The following CENPP variants were observed in gnomAD, a reference collection of about 807,000 sequenced individuals.
CENPP encodes centromere protein P.
CENPP carries 24 observed loss-of-function variants against 35.6 expected under a neutral mutation model. The ratio of observed to expected loss-of-function variants is 0.67; its 90% confidence interval spans 0.49 to 0.95. The LOEUF (loss-of-function observed/expected upper bound fraction) is 0.95, where lower values mean the gene tolerates loss of function less well. CENPP is among the 40% of genes least tolerant of loss of function. The pLI, the probability that CENPP is intolerant of heterozygous loss-of-function variation, is 0.00. For missense variants in CENPP, 332 were observed against 345.3 expected, an observed-to-expected ratio of 0.96 and a Z score of 0.31; for synonymous variants, 120 against 125.5, an observed-to-expected ratio of 0.96 and a Z score of 0.29.
rs892508821 is a variant in CENPP, at chr9:92,476,023, T to G, written c.564+96164T>G. ...AAAATTTCAAAAATTAAAAACATTA[T>G]GAAATTATTCAAAATAGATGCATCC... On this transcript the variant is annotated intron_variant, in intron 5 of 7. Transcript: ENST00000375587. The surrounding 1 kb of genome is among the most constrained non-coding windows in gnomAD (Gnocchi z 4.1). Among the ~76,000 whole-genome samples, 3 of 152,240 alleles carry G rather than the reference T, an allele frequency of 2.0e-5. No individual in the cohort carries two copies. The highest frequency in any genetic ancestry group is 4.4e-5 in the Non-Finnish European group (3 of 68,046).
intron 5 of CENPP, among the ~76,000 whole-genome samples, chr9:92,562,096 C>T (rs553583623): frequency 1.3e-3 from 200 of 152,142 alleles, no homozygotes; most frequent in African/African-American, 4.4e-3. Flanking sequence ...AACAGATCAC[C>T]GTGAAGGAGT....
At chr9:92,508,976 A>G (rs1248909341) in intron 5 of CENPP, among the ~76,000 whole-genome samples, 1 of 152,064 alleles carries the variant, frequency 6.6e-6, no homozygotes, top group Non-Finnish European at 1.5e-5. Flanking sequence ...CCTTGTCTCA[A>G]AAAAGTACAC....
intron 5 of CENPP, chr9:92,403,158 A>G: frequency 1.1e-6 from 1 of 916,218 alleles, no homozygotes; most frequent in Non-Finnish European, 1.6e-6. Flanking sequence ...CTTATCAGAC[A>G]CATTCAGGAA....
intron 5 of CENPP, among the ~76,000 whole-genome samples, chr9:92,607,831 A>G (rs1851124086): frequency 6.6e-6 from 1 of 152,228 alleles, no homozygotes; most frequent in Admixed American, 6.5e-5. Flanking sequence ...AGCTATTACA[A>G]CAGCACAGTG....
chr9:92,515,371 C>T (rs2131211577), intron 5 of CENPP, among the ~76,000 whole-genome samples: 1 of 152,302 alleles, frequency 6.6e-6, no homozygotes, highest in Middle Eastern at 3.4e-3. Context: ...TTAATAGTCA[C>T]TTTATTTCTA....
At chr9:92,415,311 A>G in intron 5 of CENPP, 1 of 1,613,782 alleles carries the variant, frequency 6.2e-7, no homozygotes, top group Non-Finnish European at 8.5e-7. Context: ...TTGTTTGACC[A>G]TTAGTGCTTC....
At chr9:92,552,211 A>C (rs1465534708) in intron 5 of CENPP, among the ~76,000 whole-genome samples, 1 of 150,728 alleles carries the variant, frequency 6.6e-6, no homozygotes, top group Non-Finnish European at 1.5e-5. Context: ...ACACACACAC[A>C]CACACCCCAC....
chr9:92,431,504 T>C (rs1029819765), intron 5 of CENPP, among the ~76,000 whole-genome samples: 5 of 152,212 alleles, frequency 3.3e-5, no homozygotes, highest in Non-Finnish European at 5.9e-5. Context: ...TCTTTTCGAA[T>C]GTTTTTCAGC....
rs369858665 is a variant in CENPP at position 92,496,057 on chromosome 9, A to G, written c.565-115257A>G. ...ACTCTTCTGGTCTAGCTCAGTATGC[A>G]TAATATCCTATTCTAGTGAGATGGC... is the stretch of plus-strand genomic sequence containing the variant. On this transcript the variant is annotated intron_variant, in intron 5 of 7. Transcript: ENST00000375587. The G allele has an allele frequency of 1.0e-5, 11 of 1,083,878 alleles. No homozygotes were observed. The East Asian group carries it at 2.2e-4, about 21-fold the overall frequency. 67.1% of individuals were successfully genotyped at this position (1,083,878 alleles called of 1,614,324 possible).
intron 5 of CENPP, chr9:92,474,609 G>A: frequency 1.3e-6 from 2 of 1,590,050 alleles, no homozygotes; most frequent in South Asian, 2.4e-5. Flanking sequence ...AAACAAAATC[G>A]ACTTATATTC....
At position 92,361,128 on chromosome 9, in the gene CENPP, C is replaced by CTTTATTTATTTATTTA. The variant is rs536927713; in HGVS notation, c.467+15356_467+15371dup. 7.5e-3 allele frequency among the ~76,000 whole-genome samples: 1,133 copies of CTTTATTTATTTATTTA among 150,576 alleles called. 13 individuals are homozygous for CTTTATTTATTTATTTA. The highest frequency in any genetic ancestry group is 0.046 in the South Asian group (218 of 4,742). On this transcript the variant is annotated intron_variant, in intron 4 of 7. Transcript: ENST00000375587. The stretch of plus-strand genomic sequence containing the variant: ...TTAAGTGTGTATTTTTATTATTTTA[C>CTTTATTTATTTATTTA]TTTATTTATTTATTTATTTATTTAT...
At chr9:92,604,472 CCTTTTT>C (rs1408099644) in intron 5 of CENPP, among the ~76,000 whole-genome samples, 6 of 152,114 alleles carry the variant, frequency 3.9e-5, no homozygotes, top group Non-Finnish European at 2.9e-5. Flanking sequence ...CTGAGGTTGG[CCTTTTT>C]CTTTTTCTTC....
intron 4 of CENPP, among the ~76,000 whole-genome samples, chr9:92,370,684 G>C (rs536399922): frequency 6.6e-6 from 1 of 152,254 alleles, no homozygotes. Flanking sequence ...CTTTCACCAT[G>C]TTGGCCAAGC....
At chr9:92,539,549 G>A (rs565913385) in intron 5 of CENPP, among the ~76,000 whole-genome samples, 1 of 152,022 alleles carries the variant, frequency 6.6e-6, no homozygotes, top group African/African-American at 2.4e-5. Flanking sequence ...ATTAAGTATA[G>A]CCTACTTACT....
chr9:92,448,181 A>G (rs1844600512), intron 5 of CENPP, among the ~76,000 whole-genome samples: 2 of 152,240 alleles, frequency 1.3e-5, no homozygotes, highest in South Asian at 4.1e-4. Flanking sequence ...GTAGTAAAGA[A>G]AGAGTTTAAT....
chr9:92,453,723 G>A (rs1471651818), intron 5 of CENPP, among the ~76,000 whole-genome samples: 1 of 152,178 alleles, frequency 6.6e-6, no homozygotes, highest in Non-Finnish European at 1.5e-5. Flanking sequence ...ATTGAACTCA[G>A]CTCTGCACCA....
At chr9:92,386,448 A>G in intron 5 of CENPP, 1 of 580,308 alleles carries the variant, frequency 1.7e-6, no homozygotes, top group South Asian at 2.1e-5. Context: ...TTCGTATGGT[A>G]GTTTCTTGTT....
chr9:92,505,482 A>G, intron 5 of CENPP: 6 of 1,429,960 alleles, frequency 4.2e-6, no homozygotes. Flanking sequence ...GTTGTAGTGT[A>G]CCATATTTCA....
At chr9:92,564,344 A>T (rs1180897733) in intron 5 of CENPP, among the ~76,000 whole-genome samples, 1 of 152,002 alleles carries the variant, frequency 6.6e-6, no homozygotes, top group East Asian at 1.9e-4. Context: ...AGCCAAGATC[A>T]CACCACTGCA....
Sources: gnomAD v4.1 joint callset for allele counts (sites outside exome capture counted in the v4.1 genomes callset) on GRCh38, gnomAD v4.1.1 for gene constraint, Gnocchi (gnomAD v3.1) non-coding constraint, MANE v1.5 for transcripts, NCBI Gene and HGNC (gene_info 2026-07-23, HGNC 2026-07-21) for gene names.